TLE4: variants seen among roughly 807,000 people sequenced by gnomAD.
TLE4 encodes TLE family member 4, transcriptional corepressor.
A neutral mutation model predicts 92.8 loss-of-function variants in TLE4; 8 were observed. The ratio of observed to expected loss-of-function variants is 0.09; its 90% CI spans 0.05 to 0.16. TLE4 has a LOEUF of 0.16. Ranked by LOEUF, TLE4 falls within the 10% of genes least tolerant of loss-of-function variation. The probability of loss-of-function intolerance (pLI) is 1.00; values close to 1 mark genes in which losing one functional copy is unlikely to be tolerated. For synonymous variants in TLE4, 371 were observed against 374.1 expected, an observed-to-expected ratio of 0.99 and a Z score of 0.10; for missense variants, 675 against 997.6, an observed-to-expected ratio of 0.68 and a Z score of 4.36.
chr9:79,689,302 G>A (rs566722557), intron 8 of TLE4, among the ~76,000 whole-genome samples: 3 of 151,994 alleles, frequency 2.0e-5, no homozygotes, highest in East Asian at 3.9e-4. Flanking sequence ...TCCCTGTGGT[G>A]TGTGTTACAT....
At chr9:79,711,386 G>A (rs2073245153) in intron 14 of TLE4, among the ~76,000 whole-genome samples, 1 of 152,108 alleles carries the variant, frequency 6.6e-6, no homozygotes, top group African/African-American at 2.4e-5. Context: ...GGTGAAAGTT[G>A]GGTCTATTTC....
intron 8 of TLE4, among the ~76,000 whole-genome samples, chr9:79,669,589 T>G (rs965555770): frequency 2.6e-5 from 4 of 152,176 alleles, no homozygotes; most frequent in African/African-American, 9.7e-5. Context: ...GTTGGTATTA[T>G]TTCACCTAGT....
intron 5 of TLE4, among the ~76,000 whole-genome samples, chr9:79,619,826 G>A (rs2050525991): frequency 6.6e-6 from 1 of 152,160 alleles, no homozygotes; most frequent in South Asian, 2.1e-4. Context: ...TTCACATTAG[G>A]TTGTGGGCAT....
chr9:79,695,857 T>C, intron 8 of TLE4, among the ~76,000 whole-genome samples: 1 of 152,202 alleles, frequency 6.6e-6, no homozygotes. Flanking sequence ...GCACAGAGGC[T>C]CTGAAGGATG....
At chr9:79,666,256 A>G (rs1034010674) in intron 8 of TLE4, among the ~76,000 whole-genome samples, 9 of 120,658 alleles carry the variant, frequency 7.5e-5, no homozygotes, top group Admixed American at 1.1e-4. Context: ...GAGTCTCCCT[A>G]TGTCACCCAA....
Position 79,707,130 on chromosome 9 carries a change from A to T in TLE4, c.936+231A>T, listed in dbSNP as rs1325325761. Reference sequence around the variant, plus strand: ...TTCTTTTTGCAAGGATAGAAGAGGGATATGGGGAAATTGAGTGAAACACGT... The same window carrying T: ...TTCTTTTTGCAAGGATAGAAGAGGGTTATGGGGAAATTGAGTGAAACACGT... On this transcript the variant is annotated intron_variant, in intron 11 of 19. Transcript: ENST00000376552. 5 of 1,612,844 alleles carry T rather than the reference A, an allele frequency of 3.1e-6. No homozygotes were observed. The African/African-American group carries it at 6.7e-5, about 22-fold the overall frequency.
intron 8 of TLE4, among the ~76,000 whole-genome samples, chr9:79,681,123 T>G (rs1466314708): frequency 1.3e-5 from 2 of 152,122 alleles, no homozygotes; most frequent in East Asian, 3.9e-4. Flanking sequence ...CTGCAGGACC[T>G]CAGACAAGTC....
At chr9:79,589,098 C>T (rs753367182) in intron 4 of TLE4, among the ~76,000 whole-genome samples, 1 of 152,174 alleles carries the variant, frequency 6.6e-6, no homozygotes, top group Non-Finnish European at 1.5e-5. Context: ...ACAACAAAGA[C>T]TTAGCTGGCC....
At chr9:79,694,997 T>G (rs2067911714) in intron 8 of TLE4, among the ~76,000 whole-genome samples, 1 of 152,200 alleles carries the variant, frequency 6.6e-6, no homozygotes. Flanking sequence ...TGTTTCCCTG[T>G]GGTCACAGAC....
chr9:79,631,279 A>G (rs921597911), intron 6 of TLE4, among the ~76,000 whole-genome samples: 3 of 152,216 alleles, frequency 2.0e-5, no homozygotes, highest in Non-Finnish European at 2.9e-5. Flanking sequence ...TAAAATGTTC[A>G]TGCTTGAATG....
intron 5 of TLE4, among the ~76,000 whole-genome samples, chr9:79,619,072 C>T (rs773111441): frequency 2.0e-5 from 3 of 152,090 alleles, no homozygotes; most frequent in Admixed American, 6.5e-5. Context: ...TTTTCTAACA[C>T]GTAGTACCAA....
At chr9:79,604,990 A>AG (rs767104558) in intron 4 of TLE4, among the ~76,000 whole-genome samples, 3 of 151,872 alleles carry the variant, frequency 2.0e-5, no homozygotes, top group Non-Finnish European at 4.4e-5. Context: ...AGTAGGAAAG[A>AG]GGAAGGTGTG....
chr9:79,690,779 C>CGCTTTTTTTTTTTTTTTTT (rs2066893971), intron 8 of TLE4, among the ~76,000 whole-genome samples: 1 of 54,152 alleles, frequency 1.8e-5, no homozygotes, highest in Admixed American at 2.8e-4. Flanking sequence ...CCACTCCTGG[C>CGCTTTTTTTTTTTTTTTTT]TTTTTTTTTT....
intron 16 of TLE4, among the ~76,000 whole-genome samples, chr9:79,720,627 A>G (rs2075470943): frequency 6.6e-6 from 1 of 152,142 alleles, no homozygotes; most frequent in South Asian, 2.1e-4. Context: ...ATTAATGTAC[A>G]TAAAGTTTCC....
chr9:79,690,613 C>T (rs1259655148), intron 8 of TLE4, among the ~76,000 whole-genome samples: 1 of 146,034 alleles, frequency 6.8e-6, no homozygotes, highest in Non-Finnish European at 1.5e-5. Context: ...ACTCCTGCTT[C>T]TTTTTTTTTT....
At chr9:79,653,497 T>C (rs1415854056) in intron 7 of TLE4, among the ~76,000 whole-genome samples, 1 of 152,228 alleles carries the variant, frequency 6.6e-6, no homozygotes, top group African/African-American at 2.4e-5. Flanking sequence ...TGTTTTTCTT[T>C]GGTGCTTACT....
intron 8 of TLE4, among the ~76,000 whole-genome samples, chr9:79,655,629 A>T (rs962803975): frequency 6.6e-6 from 1 of 152,246 alleles, no homozygotes; most frequent in African/African-American, 2.4e-5. Context: ...TTGTTGTATC[A>T]TATGCATATC....
At chr9:79,708,348 C>CATTGA in intron 12 of TLE4, 98 bp downstream of exon 12, 4 of 1,374,852 alleles carry the variant, frequency 2.9e-6, no homozygotes, top group Non-Finnish European at 4.0e-6. Flanking sequence ...TAATGACCAG[C>CATTGA]ATTGAATGGC....
chr9:79,662,514 A>G (rs1405315902), intron 8 of TLE4, among the ~76,000 whole-genome samples: 2 of 152,170 alleles, frequency 1.3e-5, no homozygotes, highest in Non-Finnish European at 2.9e-5. Flanking sequence ...CTTTTGAACA[A>G]CAAAATAAAA....
Sources: gnomAD v4.1 joint callset for allele counts (sites outside exome capture counted in the v4.1 genomes callset) on GRCh38, gnomAD v4.1.1 for gene constraint, MANE v1.5 for transcripts, NCBI Gene and HGNC (gene_info 2026-07-23, HGNC 2026-07-21) for gene names.